GAB2: variants seen among roughly 807,000 people sequenced by gnomAD.
The protein encoded by GAB2 is GRB2 associated binding protein 2.
In GAB2, 26 loss-of-function variants were observed where a neutral mutation model predicts 65.5. The ratio of observed to expected loss-of-function variants is 0.40; its 90% CI spans 0.29 to 0.55. GAB2 has a LOEUF of 0.55. GAB2 is among the 20% of genes least tolerant of loss of function. GAB2 has a pLI of 0.53. For missense variants in GAB2, 884 were observed against 875.8 expected (o/e 1.01, Z -0.12); for synonymous variants, 321 against 329.6 (o/e 0.97, Z 0.28).
chr11:78,392,261 A>C (rs1226840863), intron 1 of GAB2: 1 of 151,882 alleles, frequency 6.6e-6, no homozygotes, highest in Non-Finnish European at 1.5e-5. Flanking sequence ...AAAGAAGAAG[A>C]AGAAGAAAAC....
At position 78,417,711 on chromosome 11, in the gene GAB2, C is replaced by T; in HGVS notation, c.10G>A (p.Gly4Ser). The change falls in exon 1 of 10, where the codon GGC (glycine) becomes AGC (serine). Residue 4 changes from glycine to serine, a missense_variant. Transcript: ENST00000361507. MSG[G>S]GDVVCTGWLR... ...CAGCCGGTGCACACCACGTCGCCGC[C>T]GCCGCTCATGCTGCCGGCCTGGAGC... 1 of 1,341,068 alleles carries T rather than the reference C, an allele frequency of 7.5e-7. No homozygotes were observed. Among genetic ancestry groups the T allele is most frequent in the Non-Finnish European group, 9.8e-7 (1 of 1,020,140 alleles). The allele number at this position is 1,341,068 out of a possible 1,614,324, so 83.1% of individuals were successfully genotyped here.
At chr11:78,402,256 A>G (rs563570555) in intron 1 of GAB2, among the ~76,000 whole-genome samples, 1 of 151,950 alleles carries the variant, frequency 6.6e-6, no homozygotes, top group South Asian at 2.1e-4. Context: ...CTTCTCTTGG[A>G]TTACTTCTAT....
intron 1 of GAB2, among the ~76,000 whole-genome samples, chr11:78,352,496 T>A (rs753706583): frequency 6.6e-6 from 1 of 152,198 alleles, no homozygotes; most frequent in Non-Finnish European, 1.5e-5. Flanking sequence ...GACCAGACAC[T>A]CCTAACACTT....
intron 2 of GAB2, among the ~76,000 whole-genome samples, chr11:78,254,811 A>G (rs1865552091): frequency 6.6e-6 from 1 of 151,468 alleles, no homozygotes; most frequent in Non-Finnish European, 1.5e-5. Context: ...AAAAAGAAAA[A>G]AGAAAAAAGA....
rs1172225175 is a variant in GAB2, at chr11:78,225,110, G to A, written c.1300C>T (p.Leu434=). Residue 434 remains leucine (L), a splice_region_variant and synonymous_variant, in exon 5 of 10, where the codon CTG becomes TTG. Coordinates refer to ENST00000361507, the MANE Select transcript of GAB2 (RefSeq NM_080491.3). ...ESMSDGVGSF[L]PGKMIVGRSD... is the part of the protein sequence containing the mutation. Reference sequence around the variant, plus strand: ...CCCTTGGGTTAACCCACACTCACCAGGAAAGAGCCAACTCCATCACTCATG... The same window carrying A: ...CCCTTGGGTTAACCCACACTCACCAAGAAAGAGCCAACTCCATCACTCATG... The A allele has an allele frequency of 6.2e-7, 1 of 1,607,656 alleles. No homozygotes were observed. Among genetic ancestry groups the A allele is most frequent in the African/African-American group, 1.3e-5 (1 of 74,864 alleles).
chr11:78,288,310 T>C (rs1439922014), intron 1 of GAB2, among the ~76,000 whole-genome samples: 1 of 134,268 alleles, frequency 7.4e-6, no homozygotes. Flanking sequence ...GCCCAGGAGG[T>C]AGAGGTTTCA....
intron 3 of GAB2, among the ~76,000 whole-genome samples, chr11:78,243,990 T>G (rs1229884070): frequency 1.3e-5 from 2 of 151,566 alleles, no homozygotes; most frequent in Non-Finnish European, 2.9e-5. Context: ...TAATTATGAG[T>G]AATGAGATGG....
chr11:78,371,255 A>G (rs148022731), intron 1 of GAB2, among the ~76,000 whole-genome samples: 4 of 152,360 alleles, frequency 2.6e-5, no homozygotes, highest in East Asian at 1.9e-4. Flanking sequence ...AAAAACCTAT[A>G]CTTAGTCTAT....
chr11:78,248,078 A>T (rs1017907), intron 3 of GAB2, among the ~76,000 whole-genome samples: 34,774 of 152,134 alleles, frequency 0.23, 4,441 homozygotes, highest in East Asian at 0.4. Context: ...GAGCTCCATC[A>T]TCAAATAATA....
Position 78,394,335 on chromosome 11 carries a change from T to G in GAB2, c.75+23311A>C, listed in dbSNP as rs76752157. 6.9e-4 allele frequency among the ~76,000 whole-genome samples: 105 copies of G among 152,202 alleles called. No individual in the cohort carries two copies. The East Asian group carries it at 0.016, about 24-fold the overall frequency. ...AAAGAAGCTATACTATGAGATCTTC[T>G]ACCCCAACCATGTGCTCCTGCACTG... On this transcript the variant is annotated intron_variant, in intron 1 of 9. Transcript: ENST00000361507.
chr11:78,265,844 G>A (rs745676661), intron 2 of GAB2, among the ~76,000 whole-genome samples: 33 of 152,134 alleles, frequency 2.2e-4, no homozygotes, highest in Non-Finnish European at 2.6e-4. Flanking sequence ...TTCTCAAAAT[G>A]AAAATATCTG....
chr11:78,389,289 G>A (rs1283075612), intron 1 of GAB2, among the ~76,000 whole-genome samples: 2 of 150,786 alleles, frequency 1.3e-5, no homozygotes, highest in Non-Finnish European at 2.9e-5. Flanking sequence ...TTTAGAGAAT[G>A]ACAGAAAAGC....
intron 3 of GAB2, among the ~76,000 whole-genome samples, chr11:78,237,623 G>T (rs1189166704): frequency 6.6e-6 from 1 of 151,378 alleles, no homozygotes; most frequent in African/African-American, 2.4e-5. Flanking sequence ...AACTTGTGGG[G>T]AAAAAAAAGG....
At chr11:78,329,319 T>C (rs1399912955) in intron 1 of GAB2, among the ~76,000 whole-genome samples, 1 of 152,176 alleles carries the variant, frequency 6.6e-6, no homozygotes, top group Non-Finnish European at 1.5e-5. Context: ...TAAAAATCCC[T>C]TACACTTAAC....
At chr11:78,249,789 G>C (rs1415341536) in intron 3 of GAB2, among the ~76,000 whole-genome samples, 1 of 152,108 alleles carries the variant, frequency 6.6e-6, no homozygotes, top group East Asian at 1.9e-4. Flanking sequence ...GCAAGGTATG[G>C]ATTTGTTGAA....
At chr11:78,294,710 C>CT (rs1278394429) in intron 1 of GAB2, among the ~76,000 whole-genome samples, 3 of 152,240 alleles carry the variant, frequency 2.0e-5, no homozygotes, top group African/African-American at 7.2e-5. Flanking sequence ...AACTGGATCC[C>CT]TTCCTTACAC....
Position 78,226,650 on chromosome 11 carries a change from A to G in GAB2, c.1022T>C (p.Val341Ala), listed in dbSNP as rs147302310. The G allele has an allele frequency of 1.9e-4, 299 of 1,613,910 alleles. No homozygotes were observed. The Middle Eastern group carries it at 2.6e-3, about 14-fold the overall frequency. The change falls in exon 4 of 10, where the codon GTG (valine) becomes GCG (alanine). Residue 341 changes from valine to alanine, a missense_variant. Val to Ala is a moderately conservative substitution (Grantham distance 64). Coordinates refer to ENST00000361507, the MANE Select transcript of GAB2 (RefSeq NM_080491.3). ...TATGGCTGAGTCCCCAGGAGTGGCC[A>G]CTGTCATGGCATTGTGGTTTTTGTC... ...TLDKNHNAMT[V>A]ATPGDSAIAP...
At chr11:78,370,128 G>A (rs1856547704) in intron 1 of GAB2, among the ~76,000 whole-genome samples, 1 of 150,070 alleles carries the variant, frequency 6.7e-6, no homozygotes. Context: ...GTAGTGGCGG[G>A]CGCCTGTAGT....
At chr11:78,348,019 A>C (rs56861418) in intron 1 of GAB2, among the ~76,000 whole-genome samples, 5,382 of 152,296 alleles carry the variant, frequency 0.035, 259 homozygotes, top group African/African-American at 0.12. Flanking sequence ...AGAGAAAAAA[A>C]TCATAAGGAA....
Sources: allele counts gnomAD v4.1 joint callset (sites outside exome capture counted in the v4.1 genomes callset), GRCh38; gene constraint gnomAD v4.1.1; transcripts MANE v1.5; gene names NCBI Gene and HGNC (gene_info 2026-07-23, HGNC 2026-07-21).